PRKN: variants seen among roughly 807,000 people sequenced by gnomAD.
PRKN encodes E3 ubiquitin-protein ligase parkin.
Under a neutral mutation model 59.5 loss-of-function variants are expected in PRKN, and 56 were observed. The observed-to-expected ratio is 0.94, with a 90% CI of 0.76 to 1.18. The LOEUF (loss-of-function observed/expected upper bound fraction) is 1.18. PRKN is among the 50% of genes most tolerant of loss of function. The probability of loss-of-function intolerance (pLI) is 0.00; values close to 1 mark genes in which losing one functional copy is unlikely to be tolerated. For missense variants in PRKN, 657 were observed against 596.4 expected (o/e 1.10, Z -1.06); for synonymous variants, 250 against 222.1 (o/e 1.13, Z -1.12).
chr6:161,915,146 C>T (rs1034502479), intron 6 of PRKN, among the ~76,000 whole-genome samples: 9 of 151,894 alleles, frequency 5.9e-5, no homozygotes, highest in African/African-American at 1.9e-4. Context: ...ATTAGCTGGG[C>T]GTGGTGGTGT....
chr6:161,906,562 T>G (rs1443310641), intron 6 of PRKN, among the ~76,000 whole-genome samples: 6 of 151,852 alleles, frequency 4.0e-5, no homozygotes, highest in Non-Finnish European at 8.8e-5. Context: ...TTGCTATTAA[T>G]TTTGTGAGTA....
chr6:161,702,794 A>G (rs1422920685), intron 7 of PRKN, among the ~76,000 whole-genome samples: 3 of 152,226 alleles, frequency 2.0e-5, no homozygotes, highest in Non-Finnish European at 4.4e-5. Context: ...ACACAGGAGA[A>G]AAATCTTCAT....
chr6:162,339,340 G>T (rs1166462748), intron 2 of PRKN, among the ~76,000 whole-genome samples: 1 of 142,556 alleles, frequency 7.0e-6, no homozygotes, highest in Non-Finnish European at 1.6e-5. Context: ...GGAGGGAGGT[G>T]GGGGGGTCAG....
intron 1 of PRKN, among the ~76,000 whole-genome samples, chr6:162,480,806 C>T (rs1362787285): frequency 6.6e-6 from 1 of 151,928 alleles, no homozygotes; most frequent in Non-Finnish European, 1.5e-5. Flanking sequence ...TGTATTTTAA[C>T]TGATTCTCTT....
intron 3 of PRKN, among the ~76,000 whole-genome samples, chr6:162,233,593 A>G (rs899596212): frequency 2.6e-5 from 4 of 152,268 alleles, no homozygotes; most frequent in African/African-American, 9.6e-5. Flanking sequence ...TTAAAAAATA[A>G]TTAACGAAAA....
chr6:161,551,431 T>C lies in PRKN; in HGVS notation c.934-2428A>G, dbSNP rs1005131717. 6.6e-6 allele frequency among the ~76,000 whole-genome samples: 1 copy of C among 152,314 alleles called. No individual in the cohort carries two copies. The highest frequency in any genetic ancestry group is 2.1e-4 in the South Asian group (1 of 4,824). On this transcript the variant is annotated intron_variant, in intron 8 of 11. Transcript: ENST00000366898. This position sits in a 1 kb window ranked among gnomAD's most constrained non-coding sequence, Gnocchi z 5.2. Reference sequence around the variant, plus strand: ...AGGTCAGATGTGATTATCCAACCTCTGCAGGGAAGGTGAGAAAACACCAGC... The same window carrying C: ...AGGTCAGATGTGATTATCCAACCTCCGCAGGGAAGGTGAGAAAACACCAGC...
At position 162,183,485 on chromosome 6, in the gene PRKN, C is replaced by A. The variant is rs143417736; in HGVS notation, c.534+17646G>T. The stretch of plus-strand genomic sequence containing the variant: ...ATGGCAGCCTATGAAGTAGGTTTCT[C>A]TGTGTAAGAAAGTCACCTCCCCTCC... On this transcript the variant is annotated intron_variant, in intron 4 of 11. Coordinates refer to ENST00000366898, the MANE Select transcript of PRKN (RefSeq NM_004562.3). Among the ~76,000 whole-genome samples, 209 of 152,312 alleles carry A rather than the reference C, an allele frequency of 1.4e-3. 2 individuals carry two copies. Among genetic ancestry groups the A allele is most frequent in the Non-Finnish European group, 2.4e-3 (162 of 68,026 alleles).
At chr6:162,698,573 A>G (rs1778047701) in intron 1 of PRKN, among the ~76,000 whole-genome samples, 1 of 152,078 alleles carries the variant, frequency 6.6e-6, no homozygotes, top group Non-Finnish European at 1.5e-5. Flanking sequence ...GGCTGGAGAG[A>G]CTGCAAGTTT....
At chr6:162,122,034 A>C (rs1375032109) in intron 4 of PRKN, among the ~76,000 whole-genome samples, 1 of 152,168 alleles carries the variant, frequency 6.6e-6, no homozygotes, top group East Asian at 1.9e-4. Context: ...AATTGTTCTT[A>C]CTGAATCCTC....
intron 6 of PRKN, among the ~76,000 whole-genome samples, chr6:161,949,300 T>C (rs1382895680): frequency 6.6e-6 from 1 of 152,096 alleles, no homozygotes. Context: ...TCACCTGAGG[T>C]CAGAGTTCGA....
chr6:161,550,139 C>T lies in PRKN; in HGVS notation c.934-1136G>A, dbSNP rs1332950669. On this transcript the variant is annotated intron_variant, in intron 8 of 11. Transcript: ENST00000366898. The surrounding 1 kb of genome is among the most constrained non-coding windows in gnomAD (Gnocchi z 4.0). Reference sequence around the variant, plus strand: ...GACAAGCAGAGAATACTATAAGGGGCCAGAGCCCCAGTGTGCTGATGTGGT... The same window carrying T: ...GACAAGCAGAGAATACTATAAGGGGTCAGAGCCCCAGTGTGCTGATGTGGT... 1.3e-5 allele frequency among the ~76,000 whole-genome samples: 2 copies of T among 152,148 alleles called. No homozygotes were observed. The highest frequency in any genetic ancestry group is 1.3e-4 in the Admixed American group (2 of 15,276).
chr6:161,587,454 T>C (rs1479780388), intron 7 of PRKN, among the ~76,000 whole-genome samples: 1 of 152,158 alleles, frequency 6.6e-6, no homozygotes, highest in Non-Finnish European at 1.5e-5. Flanking sequence ...ACAGAGATCT[T>C]TTCAGAAACA....
chr6:162,334,832 A>G (rs541022537), intron 2 of PRKN, among the ~76,000 whole-genome samples: 1 of 152,196 alleles, frequency 6.6e-6, no homozygotes, highest in East Asian at 1.9e-4. Context: ...CAAAATATCA[A>G]TATGAACAGG....
At chr6:162,721,607 G>A (rs1349478689) in intron 1 of PRKN, among the ~76,000 whole-genome samples, 1 of 152,142 alleles carries the variant, frequency 6.6e-6, no homozygotes, top group East Asian at 1.9e-4. Flanking sequence ...GCTCCACTGG[G>A]AAACAGCTGG....
intron 6 of PRKN, among the ~76,000 whole-genome samples, chr6:161,869,248 G>T (rs1893094): frequency 0.51 from 77,181 of 151,860 alleles, 20,175 homozygotes; most frequent in Middle Eastern, 0.61. Context: ...GCGTGGTGGC[G>T]TGCACCTGTA....
At chr6:162,261,563 A>C (rs1779888828) in intron 3 of PRKN, among the ~76,000 whole-genome samples, 1 of 151,962 alleles carries the variant, frequency 6.6e-6, no homozygotes, top group Admixed American at 6.6e-5. Flanking sequence ...GCAGGGGTTT[A>C]GATTTATCTC....
intron 1 of PRKN, among the ~76,000 whole-genome samples, chr6:162,671,765 A>T (rs1422372378): frequency 6.6e-6 from 1 of 151,544 alleles, no homozygotes; most frequent in Non-Finnish European, 1.5e-5. Flanking sequence ...AAAACTATTA[A>T]ATAAAATAAA....
chr6:162,508,954 T>C (rs768155529), intron 1 of PRKN, among the ~76,000 whole-genome samples: 2 of 152,174 alleles, frequency 1.3e-5, no homozygotes. Flanking sequence ...ATATTTGCTA[T>C]TCAAGTGAGA....
At chr6:162,308,858 G>C (rs1377638595) in intron 2 of PRKN, among the ~76,000 whole-genome samples, 1 of 151,886 alleles carries the variant, frequency 6.6e-6, no homozygotes, top group Non-Finnish European at 1.5e-5. Flanking sequence ...AAAAACCGTG[G>C]GTCCTAATCA....
Sources: allele counts gnomAD v4.1 joint callset (sites outside exome capture counted in the v4.1 genomes callset), GRCh38; gene constraint gnomAD v4.1.1; non-coding constraint Gnocchi (gnomAD v3.1); transcripts MANE v1.5; gene names NCBI Gene and HGNC (gene_info 2026-07-23, HGNC 2026-07-21).